Variants in UVRAG observed in about 807,000 individuals in gnomAD.
UVRAG encodes the protein UV radiation resistance-associated gene protein.
Under a neutral mutation model 78.0 loss-of-function variants are expected in UVRAG, and 19 were observed. The observed-to-expected ratio is 0.24, with a 90% CI of 0.17 to 0.36. The LOEUF is 0.36. Ranked by LOEUF, UVRAG falls within the 10% of genes least tolerant of loss-of-function variation. The probability of loss-of-function intolerance (pLI) is 1.00; values close to 1 mark genes in which losing one functional copy is unlikely to be tolerated. For missense variants in UVRAG, 740 were observed against 853.8 expected (o/e 0.87, Z 1.66); for synonymous variants, 323 against 324.6 (o/e 1.00, Z 0.05).
intron 13 of UVRAG, among the ~76,000 whole-genome samples, chr11:76,098,198 T>C (rs1006756675): frequency 2.0e-5 from 3 of 152,172 alleles, no homozygotes; most frequent in African/African-American, 7.2e-5. Flanking sequence ...AAATAAGGTA[T>C]AGCATTAATG....
intron 1 of UVRAG, among the ~76,000 whole-genome samples, chr11:75,850,215 G>A (rs963159730): frequency 6.6e-6 from 1 of 152,210 alleles, no homozygotes; most frequent in Admixed American, 6.5e-5. Context: ...GGCATGGAAA[G>A]TTGGGGTTTT....
At chr11:75,933,770 C>T (rs1037972815) in intron 6 of UVRAG, among the ~76,000 whole-genome samples, 8 of 152,182 alleles carry the variant, frequency 5.3e-5, no homozygotes, top group African/African-American at 1.9e-4. Flanking sequence ...CACTGATCAT[C>T]AGAGAAATGC....
rs147035470 is a variant in UVRAG, at chr11:75,896,071, T to G, written c.507+7168T>G. Among the ~76,000 whole-genome samples the G allele has an allele frequency of 4.9e-3, 748 of 152,346 alleles. 4 individuals are homozygous for G. Among genetic ancestry groups the G allele is most frequent in the African/African-American group, 0.016 (683 of 41,574 alleles). ...AAAAATTGTTTTTGGTGTCATTTGT[T>G]TGCATCTTGCAGATAATGCAGGTAA... On this transcript the variant is annotated intron_variant, in intron 5 of 14. Coordinates refer to ENST00000356136, the MANE Select transcript of UVRAG (RefSeq NM_003369.4).
At chr11:76,003,698 G>A (rs1406984733) in intron 8 of UVRAG, among the ~76,000 whole-genome samples, 2 of 152,046 alleles carry the variant, frequency 1.3e-5, no homozygotes, top group East Asian at 3.8e-4. Context: ...TTTTTAAAGT[G>A]AAGTCTGAAT....
At chr11:75,913,890 T>C (rs1947789864) in intron 6 of UVRAG, among the ~76,000 whole-genome samples, 1 of 152,244 alleles carries the variant, frequency 6.6e-6, no homozygotes, top group Non-Finnish European at 1.5e-5. Flanking sequence ...GATCTTGCAA[T>C]GATTTGGCTC....
intron 6 of UVRAG, among the ~76,000 whole-genome samples, chr11:75,953,466 TA>T (rs1415746057): frequency 6.6e-6 from 1 of 152,208 alleles, no homozygotes; most frequent in Non-Finnish European, 1.5e-5. Flanking sequence ...GTCTTTCCTG[TA>T]TTTCTTCTCC....
intron 12 of UVRAG, among the ~76,000 whole-genome samples, chr11:76,057,250 G>A (rs1431090736): frequency 6.6e-6 from 1 of 152,154 alleles, no homozygotes; most frequent in Non-Finnish European, 1.5e-5. Flanking sequence ...GGGAAAGAGG[G>A]GGAAAATGTC....
At chr11:75,988,214 C>T (rs1332016447) in intron 8 of UVRAG, among the ~76,000 whole-genome samples, 2 of 152,132 alleles carry the variant, frequency 1.3e-5, no homozygotes, top group Non-Finnish European at 2.9e-5. Context: ...TAGCTACCAC[C>T]ACAATCAGTG....
At chr11:75,910,024 TTGTG>T (rs902816626) in intron 5 of UVRAG, among the ~76,000 whole-genome samples, 1 of 152,068 alleles carries the variant, frequency 6.6e-6, no homozygotes, top group Admixed American at 6.5e-5. Flanking sequence ...TGGACAGGAT[TTGTG>T]TGTGTGTGGG....
At chr11:75,923,885 C>T (rs1948030713) in intron 6 of UVRAG, among the ~76,000 whole-genome samples, 1 of 152,178 alleles carries the variant, frequency 6.6e-6, no homozygotes, top group African/African-American at 2.4e-5. Context: ...AGAAACTACT[C>T]TAATGTTGTA....
At chr11:75,981,856 G>A (rs796190657) in intron 7 of UVRAG, among the ~76,000 whole-genome samples, 6 of 150,612 alleles carry the variant, frequency 4.0e-5, no homozygotes, top group African/African-American at 1.2e-4. Context: ...GTTATTTTTT[G>A]TTCTAAAATT....
At chr11:76,130,834 A>G (rs766766009) in intron 14 of UVRAG, among the ~76,000 whole-genome samples, 1 of 152,126 alleles carries the variant, frequency 6.6e-6, no homozygotes, top group Non-Finnish European at 1.5e-5. Flanking sequence ...TTCTCTGACC[A>G]GGGTTTTAAT....
chr11:75,931,328 A>G (rs1053235083), intron 6 of UVRAG, among the ~76,000 whole-genome samples: 3 of 152,120 alleles, frequency 2.0e-5, no homozygotes, highest in Non-Finnish European at 2.9e-5. Flanking sequence ...TGTTAGTCAT[A>G]CAACTATGCA....
intron 5 of UVRAG, among the ~76,000 whole-genome samples, chr11:75,908,055 C>G (rs1947655995): frequency 1.3e-5 from 2 of 152,124 alleles, no homozygotes; most frequent in African/African-American, 4.8e-5. Flanking sequence ...AACTGAAACT[C>G]TTTATTAAAC....
At chr11:75,930,030 CCTT>C (rs1181507180) in intron 6 of UVRAG, among the ~76,000 whole-genome samples, 2 of 152,198 alleles carry the variant, frequency 1.3e-5, no homozygotes, top group African/African-American at 4.8e-5. Context: ...ATAGATACCT[CCTT>C]ATCTCCTCAA....
At chr11:76,072,783 T>G (rs1260346692) in intron 13 of UVRAG, among the ~76,000 whole-genome samples, 1 of 152,204 alleles carries the variant, frequency 6.6e-6, no homozygotes. Flanking sequence ...TTTAGTAGAT[T>G]TTCTGAATAG....
intron 12 of UVRAG, among the ~76,000 whole-genome samples, chr11:76,044,813 G>A (rs578164756): frequency 2.1e-4 from 32 of 152,176 alleles, no homozygotes; most frequent in African/African-American, 7.0e-4. Context: ...ATTTTAAAAA[G>A]CATAAGTAAG....
At chr11:75,831,482 C>T (rs1277088704) in intron 1 of UVRAG, among the ~76,000 whole-genome samples, 4 of 145,662 alleles carry the variant, frequency 2.7e-5, no homozygotes, top group African/African-American at 1.0e-4. Flanking sequence ...GAGTGAAACT[C>T]CTTCTCAAAA....
chr11:76,127,419 C>T (rs1021427112), intron 14 of UVRAG, among the ~76,000 whole-genome samples: 4 of 151,872 alleles, frequency 2.6e-5, no homozygotes, highest in South Asian at 2.1e-4. Flanking sequence ...TTTGGGAGGC[C>T]GAGGTGGGTG....
Sources: allele counts gnomAD v4.1 joint callset (sites outside exome capture counted in the v4.1 genomes callset), GRCh38; gene constraint gnomAD v4.1.1; transcripts MANE v1.5; gene names NCBI Gene and HGNC (gene_info 2026-07-23, HGNC 2026-07-21).